Variants in LHFPL4 observed in about 807,000 individuals in gnomAD.
LHFPL4 encodes the protein LHFPL tetraspan subfamily member 4.
LHFPL4 carries 6 observed loss-of-function variants against 20.0 expected under a neutral mutation model. The observed-to-expected ratio is 0.30, with a 90% confidence interval of 0.16 to 0.59. LHFPL4 has a LOEUF of 0.59. Ranked by LOEUF, LHFPL4 falls within the 20% of genes least tolerant of loss-of-function variation. LHFPL4 has a pLI of 0.88. For missense variants in LHFPL4, 215 were observed against 331.2 expected, an observed-to-expected ratio of 0.65 and a Z score of 2.72; for synonymous variants, 129 against 143.8, an observed-to-expected ratio of 0.90 and a Z score of 0.74.
At chr3:9,513,506 T>C (rs2046275947) in intron 2 of LHFPL4, among the ~76,000 whole-genome samples, 1 of 151,944 alleles carries the variant, frequency 6.6e-6, no homozygotes, top group Non-Finnish European at 1.5e-5. Flanking sequence ...TAATTAAAAA[T>C]TATTTTGGTA....
At chr3:9,545,148 G>A (rs2046503730) in intron 2 of LHFPL4, among the ~76,000 whole-genome samples, 1 of 152,024 alleles carries the variant, frequency 6.6e-6, no homozygotes, top group Non-Finnish European at 1.5e-5. Context: ...TAAAGGGAGG[G>A]AAGGAAAGGA....
Position 9,541,458 on chromosome 3 carries a change from C to T in LHFPL4, c.406+10816G>A, listed in dbSNP as rs991871002. 3.3e-5 allele frequency among the ~76,000 whole-genome samples: 5 copies of T among 152,216 alleles called. No homozygotes were observed. In the East Asian group the frequency reaches 7.7e-4, roughly 24 times the overall value. On this transcript the variant is annotated intron_variant, in intron 2 of 3. Coordinates refer to ENST00000287585, the MANE Select transcript of LHFPL4 (RefSeq NM_198560.3). ...TGATGTTGGACCCTGTATGTCACACCGTATACAAATATTAACTCAAAGTGG... is the reference window on the plus strand; with the variant it reads ...TGATGTTGGACCCTGTATGTCACACTGTATACAAATATTAACTCAAAGTGG...
intron 2 of LHFPL4, among the ~76,000 whole-genome samples, chr3:9,540,946 A>T (rs969546249): frequency 1.4e-5 from 2 of 148,146 alleles, no homozygotes; most frequent in Non-Finnish European, 3.0e-5. Context: ...AAATAAAATA[A>T]TTTTTTTTTT....
At chr3:9,540,882 C>T (rs146313939) in intron 2 of LHFPL4, among the ~76,000 whole-genome samples, 1 of 150,382 alleles carries the variant, frequency 6.6e-6, no homozygotes, top group African/African-American at 2.4e-5. Flanking sequence ...CAGAGTGGGA[C>T]CCTGTCTCAA....
chr3:9,510,137 C>T (rs1035373370), intron 2 of LHFPL4, among the ~76,000 whole-genome samples: 1 of 152,296 alleles, frequency 6.6e-6, no homozygotes, highest in Middle Eastern at 3.4e-3. Context: ...AGGGGCACCA[C>T]CAAACCCAGT....
chr3:9,534,957 G>C (rs1470637134), intron 2 of LHFPL4, among the ~76,000 whole-genome samples: 3 of 151,948 alleles, frequency 2.0e-5, no homozygotes, highest in Admixed American at 2.0e-4. Flanking sequence ...AGGGGAAGAC[G>C]AAAAAGATGA....
intron 2 of LHFPL4, among the ~76,000 whole-genome samples, chr3:9,520,886 G>A (rs1559517944): frequency 6.6e-6 from 1 of 152,090 alleles, no homozygotes; most frequent in Non-Finnish European, 1.5e-5. Flanking sequence ...TCCTGCTGCT[G>A]TCACATGAAG....
Position 9,506,559 on chromosome 3 carries a change from ATCC to A in LHFPL4, c.407-359_407-357del, listed in dbSNP as rs2046219832. On this transcript the variant is annotated intron_variant, in intron 2 of 3. Coordinates refer to ENST00000287585, the MANE Select transcript of LHFPL4 (RefSeq NM_198560.3). This position sits in a 1 kb window ranked among gnomAD's most constrained non-coding sequence, Gnocchi z 4.5. ...ACCAACTCCCTCTCCCATCTCTCCC[ATCC>A]TCATTATTATTATTATTGTTGTCGT... Among the ~76,000 whole-genome samples the A allele has an allele frequency of 6.6e-6, 1 of 151,868 alleles. No homozygotes were observed. Among genetic ancestry groups the A allele is most frequent in the Non-Finnish European group, 1.5e-5 (1 of 67,986 alleles).
intron 2 of LHFPL4, among the ~76,000 whole-genome samples, chr3:9,529,016 T>C (rs73130169): frequency 0.19 from 28,300 of 147,954 alleles, 3,350 homozygotes; most frequent in East Asian, 0.41. Context: ...CTCCCGGGTT[T>C]AGGAAAATCA....
At chr3:9,511,444 A>C (rs1340508729) in intron 2 of LHFPL4, among the ~76,000 whole-genome samples, 1 of 152,102 alleles carries the variant, frequency 6.6e-6, no homozygotes, top group Admixed American at 6.5e-5. Context: ...TGTCTTATCC[A>C]ATGTCACATA....
chr3:9,533,255 T>C (rs2046422071), intron 2 of LHFPL4, among the ~76,000 whole-genome samples: 1 of 151,842 alleles, frequency 6.6e-6, no homozygotes, highest in Admixed American at 6.6e-5. Context: ...CCAAAACATA[T>C]GTGCTAGAAG....
At chr3:9,541,518 TC>T (rs1456648308) in intron 2 of LHFPL4, among the ~76,000 whole-genome samples, 3 of 151,994 alleles carry the variant, frequency 2.0e-5, no homozygotes, top group Non-Finnish European at 4.4e-5. Flanking sequence ...GCGCCTGTAA[TC>T]CCAGCACTTT....
intron 2 of LHFPL4, among the ~76,000 whole-genome samples, chr3:9,507,301 TA>T (rs1308010058): frequency 1.3e-5 from 2 of 152,072 alleles, no homozygotes; most frequent in Non-Finnish European, 2.9e-5. Context: ...TGGAGAGAGG[TA>T]CGTAATAGCA....
At position 9,506,703 on chromosome 3, in the gene LHFPL4, C is replaced by T. The variant is rs1362340793; in HGVS notation, c.407-500G>A. Among the ~76,000 whole-genome samples the T allele has an allele frequency of 6.6e-6, 1 of 152,166 alleles. No individual in the cohort carries two copies. Among genetic ancestry groups the T allele is most frequent in the African/African-American group, 2.4e-5 (1 of 41,446 alleles). ...TCAAGCAATTCTCCTGCCTCAGCCT[C>T]CTGAGTAGCTGAGACTACAGGTGCC... On this transcript the variant is annotated intron_variant, in intron 2 of 3. Transcript: ENST00000287585. This position sits in a 1 kb window ranked among gnomAD's most constrained non-coding sequence, Gnocchi z 4.5.
intron 2 of LHFPL4, among the ~76,000 whole-genome samples, chr3:9,529,339 T>C (rs892156294): frequency 1.3e-5 from 2 of 152,184 alleles, no homozygotes; most frequent in African/African-American, 4.8e-5. Context: ...GAATCACCAA[T>C]GTTCTTAATG....
At chr3:9,525,156 T>C (rs1246137391) in intron 2 of LHFPL4, among the ~76,000 whole-genome samples, 1 of 152,170 alleles carries the variant, frequency 6.6e-6, no homozygotes, top group Non-Finnish European at 1.5e-5. Context: ...AATTGTTCCT[T>C]TTTCCCTGCT....
chr3:9,528,545 T>C (rs539287827), intron 2 of LHFPL4, among the ~76,000 whole-genome samples: 1 of 152,352 alleles, frequency 6.6e-6, no homozygotes, highest in South Asian at 2.1e-4. Context: ...AGGGCTGGAA[T>C]TAACCTCTTT....
intron 2 of LHFPL4, among the ~76,000 whole-genome samples, chr3:9,518,054 T>G (rs1042079684): frequency 6.6e-6 from 1 of 152,046 alleles, no homozygotes; most frequent in African/African-American, 2.4e-5. Flanking sequence ...CTGTTGTAGG[T>G]TTTTTTGGCA....
chr3:9,534,158 A>T (rs1413366568), intron 2 of LHFPL4, among the ~76,000 whole-genome samples: 1 of 151,960 alleles, frequency 6.6e-6, no homozygotes, highest in East Asian at 1.9e-4. Context: ...CAGAGGTTGC[A>T]GTGACCTGAG....
Sources: allele counts gnomAD v4.1 joint callset (sites outside exome capture counted in the v4.1 genomes callset), GRCh38; gene constraint gnomAD v4.1.1; non-coding constraint Gnocchi (gnomAD v3.1); transcripts MANE v1.5; gene names NCBI Gene and HGNC (gene_info 2026-07-23, HGNC 2026-07-21).